The following GRK7 variants were observed in gnomAD, a reference collection of about 807,000 sequenced individuals.
The protein encoded by GRK7 is G protein-coupled receptor kinase 7, also known as rhodopsin kinase GRK7.
GRK7 carries 24 observed loss-of-function variants against 34.1 expected under a neutral mutation model. The observed-to-expected ratio is 0.70, with a 90% CI of 0.51 to 0.99. GRK7 has a LOEUF of 0.99. Ranked by LOEUF, GRK7 falls within the 50% of genes least tolerant of loss-of-function variation. GRK7 has a pLI of 0.00. For missense variants in GRK7, 644 were observed against 707.3 expected, an observed-to-expected ratio of 0.91 and a Z score of 1.02; for synonymous variants, 256 against 279.4, an observed-to-expected ratio of 0.92 and a Z score of 0.84.
intron 4 of GRK7, among the ~76,000 whole-genome samples, chr3:141,805,302 T>C (rs576979422): frequency 6.6e-6 from 1 of 152,346 alleles, no homozygotes; most frequent in African/African-American, 2.4e-5. Flanking sequence ...AACAAATGTT[T>C]TCTGCGTAGT....
At chr3:141,755,424 C>T in the GRK7 span, among the ~76,000 whole-genome samples, 1 of 151,606 alleles carries the variant, frequency 6.6e-6, no homozygotes, top group South Asian at 2.1e-4. Flanking sequence ...AATGTCTCTA[C>T]AACATTTAGC....
intron 4 of GRK7, among the ~76,000 whole-genome samples, chr3:141,793,125 C>T (rs961796880): frequency 1.3e-5 from 2 of 152,172 alleles, no homozygotes; most frequent in African/African-American, 4.8e-5. Flanking sequence ...TTTAAAATAT[C>T]CCTTATAACA....
Position 141,811,299 on chromosome 3 carries a change from T to C in GRK7, c.1325+3380T>C, listed in dbSNP as rs193061092. On this transcript the variant is annotated intron_variant, in intron 5 of 5. Coordinates refer to ENST00000682958, the MANE Select transcript of GRK7 (RefSeq NM_139209.3). ...CGCCACTGCACTCCAGCCTGGGCAATAAGAGCAAAACTCTGTCTCAAAAAA... is the reference window on the plus strand; with the variant it reads ...CGCCACTGCACTCCAGCCTGGGCAACAAGAGCAAAACTCTGTCTCAAAAAA... 2.3e-3 allele frequency among the ~76,000 whole-genome samples: 341 copies of C among 151,446 alleles called. 3 individuals carry two copies. The highest frequency in any genetic ancestry group is 7.9e-3 in the African/African-American group (327 of 41,276).
chr3:141,811,155 A>C (rs184384690), intron 5 of GRK7, among the ~76,000 whole-genome samples: 1 of 152,110 alleles, frequency 6.6e-6, no homozygotes, highest in Non-Finnish European at 1.5e-5. Flanking sequence ...TCTCTACTAA[A>C]AAAATACAAA....
intron 2 of GRK7, among the ~76,000 whole-genome samples, chr3:141,775,675 C>CA (rs1388660334): frequency 1.3e-5 from 2 of 151,588 alleles, no homozygotes. Context: ...GACACATACA[C>CA]AAAAAAGAAT....
upstream of GRK7, among the ~76,000 whole-genome samples, chr3:141,759,226 CT>C (rs1243620705): frequency 7.5e-6 from 1 of 132,976 alleles, no homozygotes; most frequent in African/African-American, 2.7e-5. Context: ...GCATCCCTGT[CT>C]TGTGCCAGTT....
At chr3:141,759,107 A>G (rs1370526706), upstream of GRK7, among the ~76,000 whole-genome samples, 1 of 143,812 alleles carries the variant, frequency 7.0e-6, no homozygotes. Context: ...GCAAACAGGG[A>G]CAATTTGACT....
intron 4 of GRK7, among the ~76,000 whole-genome samples, chr3:141,782,043 G>T (rs2084674498): frequency 6.6e-6 from 1 of 152,228 alleles, no homozygotes; most frequent in African/African-American, 2.4e-5. Flanking sequence ...GTAATGGAAG[G>T]GATGTTGACA....
upstream of GRK7, among the ~76,000 whole-genome samples, chr3:141,761,827 T>G (rs1198055436): frequency 1.5e-5 from 2 of 132,164 alleles, no homozygotes; most frequent in Non-Finnish European, 3.2e-5. Context: ...TTTTATTCTT[T>G]TTTCTCTAAC....
rs61336912 is a variant in GRK7 at position 141,815,699 on chromosome 3, C to CTGTGTGTGTGTG, written c.1326-992_1326-981dup. 6.1e-3 allele frequency among the ~76,000 whole-genome samples: 887 copies of CTGTGTGTGTGTG among 145,998 alleles called. 3 individuals are homozygous for CTGTGTGTGTGTG. Among genetic ancestry groups the CTGTGTGTGTGTG allele is most frequent in the Middle Eastern group, 0.014 (4 of 282 alleles). On this transcript the variant is annotated intron_variant, in intron 5 of 5. Transcript: ENST00000682958. ...AAAAAACTATGGCTTCTATTTTGAG[C>CTGTGTGTGTGTG]TGTGTGTGTGTGTGTGTGTGTGTGT...
intron 5 of GRK7, among the ~76,000 whole-genome samples, chr3:141,809,888 A>G (rs1711075763): frequency 6.6e-6 from 1 of 152,186 alleles, no homozygotes; most frequent in South Asian, 2.1e-4. Flanking sequence ...CTTGAGTCTC[A>G]ATATCCTCAT....
chr3:141,789,311 T>C (rs1355039056), intron 4 of GRK7, among the ~76,000 whole-genome samples: 1 of 152,172 alleles, frequency 6.6e-6, no homozygotes, highest in African/African-American at 2.4e-5. Context: ...TGTCTCTGTT[T>C]CCCAGCTTCG....
At chr3:141,766,118 C>T (rs1232820536) in intron 1 of GRK7, among the ~76,000 whole-genome samples, 1 of 150,820 alleles carries the variant, frequency 6.6e-6, no homozygotes, top group East Asian at 1.9e-4. Flanking sequence ...AACATAACTC[C>T]CTCTACCCCA....
upstream of GRK7, among the ~76,000 whole-genome samples, chr3:141,762,848 G>T (rs1054063326): frequency 3.3e-5 from 5 of 152,206 alleles, no homozygotes; most frequent in Non-Finnish European, 7.3e-5. Context: ...TCTTTAAGCC[G>T]GTCTGAAAAG....
intron 5 of GRK7, among the ~76,000 whole-genome samples, chr3:141,814,440 A>G (rs535426685): frequency 3.9e-5 from 6 of 152,204 alleles, no homozygotes; most frequent in East Asian, 1.9e-4. Flanking sequence ...TGTTTACCCA[A>G]TGTTTAGCTC....
At chr3:141,803,601 C>G (rs192615392) in intron 4 of GRK7, among the ~76,000 whole-genome samples, 1 of 152,262 alleles carries the variant, frequency 6.6e-6, no homozygotes, top group Non-Finnish European at 1.5e-5. Flanking sequence ...ATGGAATTGC[C>G]TATATTAGAC....
intron 4 of GRK7, among the ~76,000 whole-genome samples, chr3:141,783,994 T>C (rs1039726788): frequency 6.6e-6 from 1 of 152,188 alleles, no homozygotes; most frequent in African/African-American, 2.4e-5. Flanking sequence ...GCATTTGTAT[T>C]GTCCATTGTG....
At chr3:141,783,725 G>A (rs945318738) in intron 4 of GRK7, among the ~76,000 whole-genome samples, 9 of 152,180 alleles carry the variant, frequency 5.9e-5, no homozygotes, top group African/African-American at 2.2e-4. Context: ...GGAGGGCAGA[G>A]CGGGTTTAGA....
intron 2 of GRK7, among the ~76,000 whole-genome samples, chr3:141,776,073 A>T (rs2084637250): frequency 6.6e-6 from 1 of 152,152 alleles, no homozygotes; most frequent in African/African-American, 2.4e-5. Context: ...TCATGAGGTC[A>T]GGAGATCGAG....
Sources: allele counts gnomAD v4.1 joint callset (sites outside exome capture counted in the v4.1 genomes callset), GRCh38; gene constraint gnomAD v4.1.1; transcripts MANE v1.5; gene names NCBI Gene and HGNC (gene_info 2026-07-23, HGNC 2026-07-21).